Variants in CABCOCO1 observed in about 807,000 individuals in gnomAD.
CABCOCO1 encodes ciliary associated calcium binding coiled-coil 1, also known as ciliary-associated calcium-binding coiled-coil protein 1.
Under a neutral mutation model 35.7 loss-of-function variants are expected in CABCOCO1, and 28 were observed. The ratio of observed to expected loss-of-function variants is 0.78; its 90% confidence interval spans 0.58 to 1.07. The LOEUF is 1.07. Ranked by LOEUF, CABCOCO1 falls within the 50% of genes least tolerant of loss-of-function variation. CABCOCO1 has a pLI of 0.00. For synonymous variants in CABCOCO1, 95 were observed against 100.1 expected, an observed-to-expected ratio of 0.95 and a Z score of 0.30; for missense variants, 326 against 309.2, an observed-to-expected ratio of 1.05 and a Z score of -0.41.
chr10:61,704,120 A>G (rs187981506), intron 5 of CABCOCO1, among the ~76,000 whole-genome samples: 1 of 151,950 alleles, frequency 6.6e-6, no homozygotes, highest in African/African-American at 2.4e-5. Context: ...GCTACTCAGG[A>G]GGCTGAGTCA....
chr10:61,740,785 T>C (rs551985875), intron 5 of CABCOCO1, among the ~76,000 whole-genome samples: 7 of 152,244 alleles, frequency 4.6e-5, no homozygotes, highest in African/African-American at 1.4e-4. Flanking sequence ...ATGAAATCAA[T>C]AGAAATTAAT....
chr10:61,707,193 G>T (rs529226837), intron 5 of CABCOCO1, among the ~76,000 whole-genome samples: 1 of 152,210 alleles, frequency 6.6e-6, no homozygotes, highest in East Asian at 1.9e-4. Flanking sequence ...GAACATGACC[G>T]AGCATTGACT....
rs116958608 is a variant in CABCOCO1 at position 61,673,862 on chromosome 10, G to T, written c.164+1127G>T. On this transcript the variant is annotated intron_variant, in intron 2 of 7. Transcript: ENST00000648843. ...TTTTACCATTTTTATAGAAATTAAGGTTCGTTAGGAATTCTGATTCTTAAT... is the reference window on the plus strand; with the variant it reads ...TTTTACCATTTTTATAGAAATTAAGTTTCGTTAGGAATTCTGATTCTTAAT... 3.9e-4 allele frequency among the ~76,000 whole-genome samples: 60 copies of T among 152,188 alleles called. No homozygotes were observed. The Middle Eastern group carries it at 0.014, about 35-fold the overall frequency.
chr10:61,672,480 T>A (rs1839390640), intron 1 of CABCOCO1, among the ~76,000 whole-genome samples, 152 bp from the exon 2 acceptor site: 2 of 152,358 alleles, frequency 1.3e-5, no homozygotes, highest in Non-Finnish European at 2.9e-5. Context: ...TTGCATAATA[T>A]GGAAAAGAAA....
intron 2 of CABCOCO1, 51 bp downstream of exon 2, chr10:61,672,786 C>G (rs1839400133): frequency 1.1e-6 from 1 of 945,964 alleles, no homozygotes; most frequent in Admixed American, 6.2e-5. Context: ...TCGAGTTCTG[C>G]ATCTGTAAAT....
At chr10:61,694,872 A>G (rs1159696712) in intron 5 of CABCOCO1, among the ~76,000 whole-genome samples, 3 of 152,122 alleles carry the variant, frequency 2.0e-5, no homozygotes, top group Non-Finnish European at 4.4e-5. Flanking sequence ...ACCACGTTTT[A>G]GGAGATCAGC....
At chr10:61,706,845 T>C (rs1840604015) in intron 5 of CABCOCO1, among the ~76,000 whole-genome samples, 1 of 152,134 alleles carries the variant, frequency 6.6e-6, no homozygotes, top group Admixed American at 6.6e-5. Flanking sequence ...GTCCTGTCTA[T>C]GCAGCTCTTC....
chr10:61,670,034 C>T (rs931316375), intron 1 of CABCOCO1, among the ~76,000 whole-genome samples: 2 of 152,038 alleles, frequency 1.3e-5, no homozygotes, highest in African/African-American at 2.4e-5. Context: ...TTTCATCATG[C>T]TCCACTATCT....
intron 5 of CABCOCO1, among the ~76,000 whole-genome samples, chr10:61,704,797 C>T (rs1442483043): frequency 6.6e-6 from 1 of 150,468 alleles, no homozygotes; most frequent in African/African-American, 2.4e-5. Flanking sequence ...CCCCAAAATG[C>T]TTACTCCATT....
chr10:61,715,411 C>T (rs116726600), intron 5 of CABCOCO1, among the ~76,000 whole-genome samples: 2,109 of 152,178 alleles, frequency 0.014, 39 homozygotes, highest in African/African-American at 0.048. Flanking sequence ...TGCATCTTTG[C>T]ATGTGAGAGG....
At chr10:61,670,251 A>T (rs942667623) in intron 1 of CABCOCO1, among the ~76,000 whole-genome samples, 16 of 152,136 alleles carry the variant, frequency 1.1e-4, no homozygotes, top group Non-Finnish European at 2.2e-4. Flanking sequence ...TTAAACAAAT[A>T]TATAACCATA....
chr10:61,699,310 A>G (rs1840377915), intron 5 of CABCOCO1, among the ~76,000 whole-genome samples: 1 of 152,178 alleles, frequency 6.6e-6, no homozygotes, highest in Non-Finnish European at 1.5e-5. Flanking sequence ...CTAAATATAA[A>G]TCTTTTAAGA....
intron 5 of CABCOCO1, among the ~76,000 whole-genome samples, chr10:61,725,962 G>A (rs970472850): frequency 2.6e-5 from 4 of 152,018 alleles, no homozygotes; most frequent in Admixed American, 2.6e-4. Flanking sequence ...ATACAAACAA[G>A]ATAATATGAC....
At chr10:61,668,876 C>T (rs950009129) in intron 1 of CABCOCO1, among the ~76,000 whole-genome samples, 5 of 151,614 alleles carry the variant, frequency 3.3e-5, no homozygotes, top group Non-Finnish European at 3.0e-5. Context: ...AAAATCAAAC[C>T]TAAAGCCCCC....
chr10:61,690,315 C>T (rs116054413), intron 4 of CABCOCO1, among the ~76,000 whole-genome samples: 308 of 152,228 alleles, frequency 2.0e-3, no homozygotes, highest in African/African-American at 7.1e-3. Flanking sequence ...GATGGATTTA[C>T]TGATATTATT....
At chr10:61,678,862 A>G (rs1265263225) in intron 2 of CABCOCO1, among the ~76,000 whole-genome samples, 1 of 152,182 alleles carries the variant, frequency 6.6e-6, no homozygotes, top group African/African-American at 2.4e-5. Flanking sequence ...TGAAATTAGT[A>G]TGATTAGCTT....
At chr10:61,701,685 T>C (rs1384942002) in intron 5 of CABCOCO1, 2 of 985,026 alleles carry the variant, frequency 2.0e-6, no homozygotes, top group East Asian at 2.3e-4. Context: ...TTCAGTCTTT[T>C]CTAGGGTGTC....
At chr10:61,737,722 CAT>C (rs1282780679) in intron 5 of CABCOCO1, among the ~76,000 whole-genome samples, 1 of 152,166 alleles carries the variant, frequency 6.6e-6, no homozygotes. Flanking sequence ...CCAAATACCA[CAT>C]GTTCTCACTT....
intron 5 of CABCOCO1, among the ~76,000 whole-genome samples, chr10:61,741,036 C>T (rs1157629024): frequency 2.0e-5 from 3 of 151,690 alleles, no homozygotes; most frequent in Non-Finnish European, 2.9e-5. Context: ...CCCAGCTACT[C>T]GGGAGGCTGA....
Sources: gnomAD v4.1 joint callset for allele counts (sites outside exome capture counted in the v4.1 genomes callset) on GRCh38, gnomAD v4.1.1 for gene constraint, MANE v1.5 for transcripts, NCBI Gene and HGNC (gene_info 2026-07-23, HGNC 2026-07-21) for gene names.